Variants in ACP4 observed in about 807,000 individuals in gnomAD.
The protein encoded by ACP4 is acid phosphatase 4, also known as testicular acid phosphatase.
Under a neutral mutation model 47.3 loss-of-function variants are expected in ACP4, and 49 were observed. That is an observed-to-expected ratio of 1.04 (90% CI 0.82 to 1.32). The LOEUF is 1.32. ACP4 is among the 40% of genes most tolerant of loss of function. ACP4 has a pLI of 0.00. For missense variants in ACP4, 594 were observed against 579.3 expected, an observed-to-expected ratio of 1.03 and a Z score of -0.26; for synonymous variants, 299 against 265.3, an observed-to-expected ratio of 1.13 and a Z score of -1.23.
intron 6 of ACP4, chr19:50,792,552 G>C (rs1053106600): frequency 1.7e-6 from 1 of 580,186 alleles, no homozygotes; most frequent in African/African-American, 1.9e-5. Flanking sequence ...TTACAATAGT[G>C]CCTGGTGTAC....
rs761668544 is a variant in ACP4, at chr19:50,790,485, C to G, written c.71C>G (p.Pro24Arg). ...CTGCTGCTGCTGCTGGTGCTGCCACCCCGGGCCCTGCCAGAAGGACCCCTG... is the reference window on the plus strand; with the variant it reads ...CTGCTGCTGCTGCTGGTGCTGCCACGCCGGGCCCTGCCAGAAGGACCCCTG... ...LLLLLLLVLP[P>R]RALPEGPLVF... Residue 24 changes from proline (P) to arginine (R), a missense_variant, in exon 1 of 11, where the codon CCC becomes CGC. By Grantham distance (103) the Pro-to-Arg change is moderately radical. Coordinates refer to ENST00000270593, the MANE Select transcript of ACP4 (RefSeq NM_033068.3). The G allele has an allele frequency of 1.2e-5, 18 of 1,561,754 alleles. No individual in the cohort carries two copies. The highest frequency in any genetic ancestry group is 1.6e-5 in the Non-Finnish European group (18 of 1,155,924).
At chr19:50,794,170 GAATA>G (rs1404815086) in intron 8 of ACP4, among the ~76,000 whole-genome samples, 200 bp downstream of exon 8, 1 of 152,228 alleles carries the variant, frequency 6.6e-6, no homozygotes, top group Non-Finnish European at 1.5e-5. Flanking sequence ...AAGAATTTAT[GAATA>G]AATATAATTC....
chr19:50,791,881 T>C (rs911378064), intron 4 of ACP4, 79 bp downstream of exon 4: 1 of 1,503,994 alleles, frequency 6.6e-7, no homozygotes, highest in Non-Finnish European at 8.9e-7. Context: ...CCGCCTGAGC[T>C]GGCTCCGAGA....
chr19:50,791,404 T>C (rs2089504655), intron 3 of ACP4, among the ~76,000 whole-genome samples: 1 of 152,170 alleles, frequency 6.6e-6, no homozygotes, highest in Non-Finnish European at 1.5e-5. Context: ...GATTCTGATC[T>C]TCCTTTTTGA....
At chr19:50,792,486 T>TCAACACCTCCCC in intron 6 of ACP4, 149 bp downstream of exon 6, 1 of 709,484 alleles carries the variant, frequency 1.4e-6, no homozygotes, top group Non-Finnish European at 2.3e-6. Flanking sequence ...AACACCGGTA[T>TCAACACCTCCCC]CAACACCTCC....
chr19:50,792,048 C>G (rs1158470735), intron 4 of ACP4, 25 bp from the exon 5 acceptor site: 2 of 1,552,926 alleles, frequency 1.3e-6, no homozygotes, highest in African/African-American at 2.7e-5. Flanking sequence ...CACGGCTGTC[C>G]TCTCTGAGAC....
chr19:50,790,490 G>T lies in ACP4; in HGVS notation c.76G>T (p.Ala26Ser). ...LLLLLVLPPRALPEGPLVFVA... is the reference protein window; with the variant it reads ...LLLLLVLPPRSLPEGPLVFVA... ...GCTGCTGCTGGTGCTGCCACCCCGG[G>T]CCCTGCCAGAAGGACCCCTGGTGTT... The change falls in exon 1 of 11, where the codon GCC becomes TCC. Residue 26 changes from alanine to serine, a missense_variant. Ala to Ser is a moderately conservative substitution (Grantham distance 99, BLOSUM62 1). Coordinates refer to ENST00000270593, the MANE Select transcript of ACP4 (RefSeq NM_033068.3). The T allele has an allele frequency of 6.4e-7, 1 of 1,557,446 alleles. No individual in the cohort carries two copies.
Position 50,791,785 on chromosome 19 carries a change from C to CA in ACP4, c.433_434insA (p.Pro145HisfsTer4), listed in dbSNP as rs2089510677. ...GAGGCCGATCCCGGTGCACACGGTGCCCGTGGCTGAGGATAAGGTCAGGGG... is the reference window on the plus strand; with the variant it reads ...GAGGCCGATCCCGGTGCACACGGTGCACCGTGGCTGAGGATAAGGTCAGGGG... On this transcript the variant is annotated frameshift_variant, in exon 4 of 11. Transcript: ENST00000270593. LOFTEE classifies it high-confidence loss of function. 2 of 1,608,872 alleles carry CA rather than the reference C, an allele frequency of 1.2e-6. No individual in the cohort carries two copies. The highest frequency in any genetic ancestry group is 1.7e-5 in the Admixed American group (1 of 59,298).
At position 50,790,449 on chromosome 19, in the gene ACP4, G is replaced by T; in HGVS notation, c.35G>T (p.Gly12Val). ...CTGGGGTTTTGGGGCCACCCTGCTG[G>T]ACCTCTCCTGCTGCTGCTGCTGCTG... The part of the protein sequence containing the change: ...AGLGFWGHPA[G>V]PLLLLLLLVL... The change falls in exon 1 of 11, where the codon GGA becomes GTA. Residue 12 changes from glycine (G) to valine (V), a missense_variant. Coordinates refer to ENST00000270593, the MANE Select transcript of ACP4 (RefSeq NM_033068.3). 1 of 1,585,274 alleles carries T rather than the reference G, an allele frequency of 6.3e-7. No homozygotes were observed. Among genetic ancestry groups the T allele is most frequent in the Non-Finnish European group, 8.6e-7 (1 of 1,169,144 alleles).
rs2089506474 is a variant in ACP4 at position 50,791,555 on chromosome 19, C to A, written c.304-101C>A. On this transcript the variant is annotated intron_variant, in intron 3 of 10. Transcript: ENST00000270593. ...AGGCCACATGATTCTCAGTGTCTGA[C>A]CCCTACTCCAAAGTGAATCTGAGGC... 4.1e-6 allele frequency: 6 copies of A among 1,477,080 alleles called. No homozygotes were observed. The South Asian group carries it at 7.4e-5, about 18-fold the overall frequency. 91.5% of individuals were successfully genotyped at this position (1,477,080 alleles called of 1,614,324 possible). A position where few individuals can be genotyped will look rare whatever the true frequency, so the allele number is the denominator to read the frequency against.
At position 50,795,031 on chromosome 19, in the gene ACP4, T is replaced by C; in HGVS notation, c.1166-12T>C. 2.5e-6 allele frequency: 4 copies of C among 1,612,376 alleles called. No homozygotes were observed. In the South Asian group the frequency reaches 3.3e-5, roughly 13 times the overall value. On this transcript the variant is annotated splice_polypyrimidine_tract_variant and intron_variant, in intron 10 of 10. Coordinates refer to ENST00000270593, the MANE Select transcript of ACP4 (RefSeq NM_033068.3). The stretch of plus-strand genomic sequence containing the variant: ...AGTCCTGGCACTCACCCCCCGCGTG[T>C]TCTCCCTGCAGCTCCAGTGGTGCCC...
chr19:50,794,572 A>AC lies in ACP4; in HGVS notation c.977_978insC (p.Lys326AsnfsTer15). 1 of 1,614,042 alleles carries AC rather than the reference A, an allele frequency of 6.2e-7. No homozygotes were observed. The highest frequency in any genetic ancestry group is 8.5e-7 in the Non-Finnish European group (1 of 1,180,000). ...CGGAAGCACCTGGGGAATCCCGCCA[A>AC]AGATGGAGGGTGAGAATGGTTTGGT... On this transcript the variant is annotated frameshift_variant, in exon 9 of 11. Coordinates refer to ENST00000270593, the MANE Select transcript of ACP4 (RefSeq NM_033068.3). LOFTEE classifies it high-confidence loss of function.
chr19:50,794,236 G>A (rs909545516), intron 8 of ACP4, among the ~76,000 whole-genome samples: 1 of 152,208 alleles, frequency 6.6e-6, no homozygotes, highest in South Asian at 2.1e-4. Flanking sequence ...TCCTTCCGGA[G>A]GAGAAAGGCT....
intron 3 of ACP4, 108 bp from the exon 4 acceptor site, chr19:50,791,548 T>C: frequency 6.9e-7 from 1 of 1,445,164 alleles, no homozygotes; most frequent in Non-Finnish European, 9.4e-7. Flanking sequence ...TGATTCTCAG[T>C]GTCTGACCCC....
Position 50,791,726 on chromosome 19 carries a change from CCG to C in ACP4, c.375_376del (p.Glu126GlyfsTer22). 1 of 1,613,214 alleles carries C rather than the reference CCG, an allele frequency of 6.2e-7. No homozygotes were observed. Among genetic ancestry groups the C allele is most frequent in the East Asian group, 2.2e-5 (1 of 44,880 alleles). On this transcript the variant is annotated frameshift_variant, in exon 4 of 11. Transcript: ENST00000270593. LOFTEE classifies it high-confidence loss of function. ...CAGGCCAACCTTGCCGGGCTGTTTC[CCG>C]AGGCTGCTCCAGGGAGCCCCGAGGC...
intron 2 of ACP4, 36 bp from the exon 3 acceptor site, chr19:50,790,738 G>A (rs1239178667): frequency 6.5e-7 from 1 of 1,536,948 alleles, no homozygotes; most frequent in Admixed American, 2.0e-5. Flanking sequence ...GGTGGGAGGG[G>A]TGGGGAGTGG....
chr19:50,793,370 C>A, intron 6 of ACP4: 1 of 301,172 alleles, frequency 3.3e-6, no homozygotes. Flanking sequence ...AAAAAATTAG[C>A]CAGGAATGGT....
Position 50,792,133 on chromosome 19 carries a change from G to T in ACP4, c.511G>T (p.Glu171Ter). The change falls in exon 5 of 11, where the codon GAG becomes TAG. Residue 171 changes from glutamate to a stop codon, truncating the protein, a stop_gained. Coordinates refer to ENST00000270593, the MANE Select transcript of ACP4 (RefSeq NM_033068.3). LOFTEE classifies it high-confidence loss of function. ...RYHELLREAT[E>*]AAEYQEALEG... The stretch of plus-strand genomic sequence containing the variant: ...CCACGAGCTGCTGCGGGAGGCCACC[G>T]AGGCCGCCGAGTACCAGGAGGCCCT... 1 of 1,608,186 alleles carries T rather than the reference G, an allele frequency of 6.2e-7. No individual in the cohort carries two copies. Among genetic ancestry groups the T allele is most frequent in the Non-Finnish European group, 8.5e-7 (1 of 1,178,802 alleles).
intron 6 of ACP4, 171 bp downstream of exon 6, chr19:50,792,508 T>C: frequency 1.5e-6 from 1 of 645,952 alleles, no homozygotes. Context: ...CAGGACGCTG[T>C]GAGGATTCAA....
Sources: gnomAD v4.1 joint callset for allele counts (sites outside exome capture counted in the v4.1 genomes callset) on GRCh38, gnomAD v4.1.1 for gene constraint, MANE v1.5 for transcripts, NCBI Gene and HGNC (gene_info 2026-07-23, HGNC 2026-07-21) for gene names.